Variants in CDK13 observed in about 807,000 individuals in gnomAD.
CDK13 encodes cyclin dependent kinase 13, also known as cyclin-dependent kinase 13.
CDK13 carries 40 observed loss-of-function variants against 137.6 expected under a neutral mutation model. The observed-to-expected ratio is 0.29, with a 90% CI of 0.23 to 0.38. The LOEUF is 0.38. Among genes scored for constraint, CDK13 ranks in the 10% least tolerant of loss-of-function variants. CDK13 has a pLI of 1.00. For synonymous variants in CDK13, 869 were observed against 760.1 expected, an observed-to-expected ratio of 1.14 and a Z score of -2.36; for missense variants, 1,704 against 1,951.8, an observed-to-expected ratio of 0.87 and a Z score of 2.39.
intron 1 of CDK13, chr7:39,952,522 G>A (rs1004412330): frequency 1.3e-5 from 2 of 152,168 alleles, no homozygotes; most frequent in African/African-American, 4.8e-5. Flanking sequence ...ATTATAGAAG[G>A]TAGAAAAAAT....
intron 7 of CDK13, among the ~76,000 whole-genome samples, chr7:40,055,801 C>T (rs749752850): frequency 2.6e-4 from 40 of 151,976 alleles, no homozygotes; most frequent in Non-Finnish European, 4.3e-4. Flanking sequence ...AGGCTGGTTC[C>T]GAACTCCTGG....
chr7:40,022,369 T>C (rs1456278675), intron 5 of CDK13, among the ~76,000 whole-genome samples: 1 of 152,210 alleles, frequency 6.6e-6, no homozygotes, highest in Non-Finnish European at 1.5e-5. Context: ...AGAAATGGAA[T>C]AGTATAGGTT....
Position 40,094,794 on chromosome 7 carries a change from T to A in CDK13, c.4353T>A (p.His1451Gln). Reference sequence around the variant, plus strand: ...CTTCCACGGGGCCAGAGAGTACTCATCCTTTGCCAGCAAAGATGCACAACT... The same window carrying A: ...CTTCCACGGGGCCAGAGAGTACTCAACCTTTGCCAGCAAAGATGCACAACT... ...SDPSTGPEST[H>Q]PLPAKMHNYN... The change falls in exon 14 of 14, where the codon CAT (histidine) becomes CAA (glutamine). Residue 1451 changes from histidine to glutamine, a missense_variant. Physicochemically the swap from His to Gln is conservative, Grantham distance 24 (BLOSUM62 0). Around this residue, in one of 5 missense-constraint regions of CDK13, gnomAD observed 475 missense variants for 579.3 expected, o/e 0.82. Coordinates refer to ENST00000181839, the MANE Select transcript of CDK13 (RefSeq NM_003718.5). The A allele has an allele frequency of 6.3e-7, 1 of 1,597,410 alleles. No individual in the cohort carries two copies. Among genetic ancestry groups the A allele is most frequent in the Non-Finnish European group, 8.5e-7 (1 of 1,172,942 alleles).
chr7:40,065,539 G>A (rs1026240831), intron 9 of CDK13, among the ~76,000 whole-genome samples: 1 of 152,000 alleles, frequency 6.6e-6, no homozygotes, highest in African/African-American at 2.4e-5. Flanking sequence ...GGCTGCATTC[G>A]AAGCCATCCT....
In CDK13 at chr7:39,950,798, C is replaced by T; in HGVS notation, c.157C>T (p.Pro53Ser). ...LLQPQLLQPP[P>S]PPPPLLFLAA... ...GCAGCCGCAGCTCCTGCAACCGCCG[C>T]CGCCCCCGCCGCCTCTGCTCTTCCT... is the stretch of plus-strand genomic sequence containing the variant. Residue 53 changes from proline to serine, a missense_variant, in exon 1 of 14, where the codon CCG (proline) becomes TCG (serine). Pro to Ser is a moderately conservative substitution (Grantham distance 74). Around this residue, in one of 5 missense-constraint regions of CDK13, gnomAD observed 1,051 missense variants for 931.0 expected, o/e 1.13. Transcript: ENST00000181839. The T allele has an allele frequency of 6.8e-7, 1 of 1,460,942 alleles. No individual in the cohort carries two copies. The allele number at this position is 1,460,942 out of a possible 1,614,324, so 90.5% of individuals were successfully genotyped here. A position where few individuals can be genotyped will look rare whatever the true frequency, so the allele number is the denominator to read the frequency against.
chr7:40,001,795 A>T, intron 4 of CDK13, 66 bp from the exon 5 acceptor site: 1 of 987,358 alleles, frequency 1.0e-6, no homozygotes, highest in South Asian at 1.4e-5. Context: ...AAATACATTT[A>T]AAGTTAAGAA....
At chr7:39,964,782 C>G (rs1219517787) in intron 1 of CDK13, among the ~76,000 whole-genome samples, 1 of 152,100 alleles carries the variant, frequency 6.6e-6, no homozygotes, top group African/African-American at 2.4e-5. Context: ...TTTCCCTCTA[C>G]ACACTGCTTT....
At chr7:40,030,163 C>T (rs1007428633) in intron 5 of CDK13, among the ~76,000 whole-genome samples, 8 of 152,002 alleles carry the variant, frequency 5.3e-5, no homozygotes, top group African/African-American at 1.7e-4. Flanking sequence ...AGCCACTATA[C>T]ACTATATCTT....
chr7:40,032,020 T>G (rs564843927), intron 5 of CDK13, among the ~76,000 whole-genome samples: 1 of 151,910 alleles, frequency 6.6e-6, no homozygotes, highest in African/African-American at 2.4e-5. Context: ...TGTCTTTTCG[T>G]TTTCTTAGCA....
chr7:39,952,101 G>A (rs1192615892), intron 1 of CDK13: 11 of 383,682 alleles, frequency 2.9e-5, no homozygotes, highest in Non-Finnish European at 4.6e-5. Flanking sequence ...TTCTAAGGAA[G>A]AATTAAAAGT....
intron 9 of CDK13, among the ~76,000 whole-genome samples, chr7:40,068,851 G>T (rs1015405432): frequency 6.6e-6 from 1 of 152,056 alleles, no homozygotes; most frequent in East Asian, 1.9e-4. Context: ...TCTGAACATG[G>T]ACTTTCAAGA....
At chr7:39,982,914 T>C (rs1337175149) in intron 1 of CDK13, among the ~76,000 whole-genome samples, 1 of 152,216 alleles carries the variant, frequency 6.6e-6, no homozygotes, top group Non-Finnish European at 1.5e-5. Flanking sequence ...TTCTGGGTAT[T>C]AGCCCTTTGT....
At chr7:40,091,522 AAAG>A (rs1313517372) in intron 12 of CDK13, among the ~76,000 whole-genome samples, 3 of 152,100 alleles carry the variant, frequency 2.0e-5, no homozygotes, top group African/African-American at 7.2e-5. Context: ...CAAAAAAAAA[AAAG>A]AAGGAGAATT....
In CDK13 at chr7:39,976,355, A is replaced by G. The variant is rs902234172; in HGVS notation, c.1212-11244A>G. Among the ~76,000 whole-genome samples, 11 of 150,530 alleles carry G rather than the reference A, an allele frequency of 7.3e-5. No individual in the cohort carries two copies. In the South Asian group the frequency reaches 1.9e-3, roughly 26 times the overall value. On this transcript the variant is annotated intron_variant, in intron 1 of 13. Transcript: ENST00000181839. ...CACACACACACACACACACACACAC[A>G]CACAGAAACAAATGGAGGAGAAAGA...
At chr7:39,973,025 T>G (rs1034966405) in intron 1 of CDK13, among the ~76,000 whole-genome samples, 1 of 152,242 alleles carries the variant, frequency 6.6e-6, no homozygotes, top group Non-Finnish European at 1.5e-5. Context: ...TAGATTTGCA[T>G]TTCTCTAATG....
chr7:39,996,605 C>T (rs1235980647), intron 2 of CDK13, among the ~76,000 whole-genome samples: 1 of 151,990 alleles, frequency 6.6e-6, no homozygotes, highest in Non-Finnish European at 1.5e-5. Context: ...TTAGCTGTTG[C>T]TTGTGGTTAT....
At chr7:40,015,663 G>C (rs1784988492) in intron 5 of CDK13, among the ~76,000 whole-genome samples, 1 of 152,068 alleles carries the variant, frequency 6.6e-6, no homozygotes, top group South Asian at 2.1e-4. Context: ...TGGAATTTTG[G>C]AAGAAATAAA....
chr7:40,074,500 G>C (rs1786497222), intron 9 of CDK13, among the ~76,000 whole-genome samples: 1 of 145,944 alleles, frequency 6.9e-6, no homozygotes, highest in Non-Finnish European at 1.5e-5. Context: ...TCCAGCCTGG[G>C]CGACAGAGCA....
chr7:40,069,745 C>T (rs1271715121), intron 9 of CDK13: 1 of 152,950 alleles, frequency 6.5e-6, no homozygotes, highest in Admixed American at 6.5e-5. Flanking sequence ...GTATTTTAGG[C>T]AGATTACAAA....
Sources: allele counts gnomAD v4.1 joint callset (sites outside exome capture counted in the v4.1 genomes callset), GRCh38; gene constraint gnomAD v4.1.1; regional missense constraint gnomAD v4.1.1; transcripts MANE v1.5; gene names NCBI Gene and HGNC (gene_info 2026-07-23, HGNC 2026-07-21).